Variants in SPATA6 observed in about 807,000 individuals in gnomAD.
SPATA6 encodes spermatogenesis-associated protein 6.
SPATA6 carries 56 observed loss-of-function variants against 65.3 expected under a neutral mutation model. The ratio of observed to expected loss-of-function variants is 0.86; its 90% CI spans 0.69 to 1.07. SPATA6 has a LOEUF of 1.07. SPATA6 is among the 50% of genes least tolerant of loss of function. The pLI, the probability that SPATA6 is intolerant of heterozygous loss-of-function variation, is 0.00. For synonymous variants in SPATA6, 199 were observed against 213.2 expected (o/e 0.93, Z 0.58); for missense variants, 590 against 594.8 (o/e 0.99, Z 0.08).
At chr1:48,420,387 G>A (rs954980307) in intron 3 of SPATA6, among the ~76,000 whole-genome samples, 1 of 152,176 alleles carries the variant, frequency 6.6e-6, no homozygotes, top group African/African-American at 2.4e-5. Flanking sequence ...AGAGGATCAC[G>A]GGAACCCCAA....
At chr1:48,458,774 G>C (rs1161688276) in intron 1 of SPATA6, among the ~76,000 whole-genome samples, 2 of 152,184 alleles carry the variant, frequency 1.3e-5, no homozygotes, top group Non-Finnish European at 1.5e-5. Context: ...CCAGGGGCTG[G>C]TGGGAGAGGG....
At chr1:48,423,564 CTT>C (rs781669150) in intron 3 of SPATA6, among the ~76,000 whole-genome samples, 7 of 121,038 alleles carry the variant, frequency 5.8e-5, no homozygotes, top group Middle Eastern at 4.2e-3. Flanking sequence ...TTCTTTCTTT[CTT>C]TTTTTTTTTT....
chr1:48,287,710 C>A, the SPATA6 span, among the ~76,000 whole-genome samples: 2 of 152,208 alleles, frequency 1.3e-5, no homozygotes. Flanking sequence ...CTAGAAGATG[C>A]TGAAGCCATG....
chr1:48,278,061 C>A, the SPATA6 span, among the ~76,000 whole-genome samples: 1 of 152,184 alleles, frequency 6.6e-6, no homozygotes, highest in Non-Finnish European at 1.5e-5. Context: ...TGCTGATACC[C>A]AGGCAAACAG....
At chr1:48,444,817 C>A (rs527680252) in intron 3 of SPATA6, among the ~76,000 whole-genome samples, 1 of 152,104 alleles carries the variant, frequency 6.6e-6, no homozygotes, top group Non-Finnish European at 1.5e-5. Context: ...TTGAAGTCAG[C>A]GAGACCAAGA....
intron 11 of SPATA6, chr1:48,326,023 C>T (rs72891571): frequency 0.023 from 4,037 of 175,116 alleles, 105 homozygotes; most frequent in African/African-American, 0.067. Context: ...TAGTTTGTCT[C>T]GTTTAACTAA....
rs1658307251 is a variant in SPATA6, at chr1:48,472,039, C to T, written c.-31G>A. 1 of 1,488,300 alleles carries T rather than the reference C, an allele frequency of 6.7e-7. No individual in the cohort carries two copies. Among genetic ancestry groups the T allele is most frequent in the African/African-American group, 1.4e-5 (1 of 69,828 alleles). 92.2% of individuals were successfully genotyped at this position (1,488,300 alleles called of 1,614,324 possible). A position where few individuals can be genotyped will look rare whatever the true frequency, so the allele number is the denominator to read the frequency against. On this transcript the variant is annotated 5_prime_UTR_variant, in exon 1 of 13. Transcript: ENST00000371847. ...CGGGGAGGGGCGGCGGGGAGTGACC[C>T]CGGCCACGGGCCCGAGTGAGGCGGG... is the stretch of plus-strand genomic sequence containing the variant.
intron 9 of SPATA6, among the ~76,000 whole-genome samples, chr1:48,362,311 G>A (rs1646839178): frequency 6.6e-6 from 1 of 152,022 alleles, no homozygotes; most frequent in Admixed American, 6.6e-5. Context: ...GTGTCACACT[G>A]TTGTTTCTAG....
intron 7 of SPATA6, among the ~76,000 whole-genome samples, chr1:48,396,851 G>T (rs899304726): frequency 1.3e-5 from 2 of 151,394 alleles, no homozygotes; most frequent in African/African-American, 4.8e-5. Context: ...TGGTGGTATG[G>T]TTGTATAACA....
At chr1:48,427,434 C>CAAAAAAAA (rs760835892) in intron 3 of SPATA6, among the ~76,000 whole-genome samples, 1 of 67,608 alleles carries the variant, frequency 1.5e-5, no homozygotes, top group Non-Finnish European at 3.3e-5. Context: ...AAAATTGAGG[C>CAAAAAAAA]AAAAAAAAAA....
At chr1:48,457,760 G>T (rs1221235127) in intron 1 of SPATA6, among the ~76,000 whole-genome samples, 1 of 152,020 alleles carries the variant, frequency 6.6e-6, no homozygotes, top group Non-Finnish European at 1.5e-5. Context: ...GAATCTTTCA[G>T]GTTGAACTGA....
chr1:48,471,966 TCTCCAGCGCCAGGGCGCA>T lies in SPATA6; in HGVS notation c.25_42del (p.Cys9_Glu14del), dbSNP rs1203179368. The T allele has an allele frequency of 5.0e-6, 8 of 1,604,122 alleles. No individual in the cohort carries two copies. The highest frequency in any genetic ancestry group is 5.1e-6 in the Non-Finnish European group (6 of 1,176,820). ...GCGCTACCGGTACTCACTGAGCTGA[TCTCCAGCGCCAGGGCGCA>T]CTGCAGCGCCTTCACCTTCGGCATC... On this transcript the variant is annotated inframe_deletion, in exon 1 of 13. Coordinates refer to ENST00000371847, the MANE Select transcript of SPATA6 (RefSeq NM_019073.4).
At chr1:48,443,664 A>T (rs1655731972) in intron 3 of SPATA6, among the ~76,000 whole-genome samples, 1 of 152,196 alleles carries the variant, frequency 6.6e-6, no homozygotes, top group South Asian at 2.1e-4. Flanking sequence ...AGTCAGGGAT[A>T]GTATGAGATG....
chr1:48,304,826 A>G (rs1645022327), intron 12 of SPATA6, among the ~76,000 whole-genome samples: 1 of 152,214 alleles, frequency 6.6e-6, no homozygotes, highest in Admixed American at 6.5e-5. Flanking sequence ...ATATGGGTTA[A>G]GCACCCAAAA....
chr1:48,351,136 A>G (rs888891314), intron 11 of SPATA6, among the ~76,000 whole-genome samples: 20 of 151,926 alleles, frequency 1.3e-4, no homozygotes, highest in African/African-American at 4.8e-4. Flanking sequence ...CATAGATCTT[A>G]TAACTTAAAA....
chr1:48,325,460 G>C, intron 11 of SPATA6: 1 of 1,217,960 alleles, frequency 8.2e-7, no homozygotes, highest in East Asian at 2.3e-5. Flanking sequence ...CTATGTTCCT[G>C]AATCGACAAA....
intron 12 of SPATA6, among the ~76,000 whole-genome samples, chr1:48,303,550 C>T (rs1305719708): frequency 6.6e-6 from 1 of 152,200 alleles, no homozygotes; most frequent in Non-Finnish European, 1.5e-5. Context: ...GCTTATTTCA[C>T]TTAACATGAT....
At chr1:48,404,130 T>C (rs1342269345) in intron 5 of SPATA6, among the ~76,000 whole-genome samples, 1 of 152,148 alleles carries the variant, frequency 6.6e-6, no homozygotes, top group Non-Finnish European at 1.5e-5. Context: ...TATTTTTTCA[T>C]TTTTAAGTAT....
intron 8 of SPATA6, among the ~76,000 whole-genome samples, chr1:48,385,657 TAATC>T (rs545267937): frequency 3.9e-5 from 6 of 152,302 alleles, no homozygotes; most frequent in East Asian, 3.9e-4. Context: ...GTTTAGTTGA[TAATC>T]AATTTATGAT....
Sources: gnomAD v4.1 joint callset for allele counts (sites outside exome capture counted in the v4.1 genomes callset) on GRCh38, gnomAD v4.1.1 for gene constraint, MANE v1.5 for transcripts, NCBI Gene and HGNC (gene_info 2026-07-23, HGNC 2026-07-21) for gene names.